The following DNAJB14 variants were observed in gnomAD, a reference collection of about 807,000 sequenced individuals.
DNAJB14 encodes the protein DnaJ heat shock protein family (Hsp40) member B14, also known as dnaJ homolog subfamily B member 14.
A neutral mutation model predicts 48.4 loss-of-function variants in DNAJB14; 22 were observed. The ratio of observed to expected loss-of-function variants is 0.45; its 90% confidence interval spans 0.32 to 0.65. The LOEUF (loss-of-function observed/expected upper bound fraction) is 0.65, where lower values mean the gene tolerates loss of function less well. Among genes scored for constraint, DNAJB14 ranks in the 30% least tolerant of loss-of-function variants. DNAJB14 has a pLI of 0.03. For missense variants in DNAJB14, 319 were observed against 458.8 expected (o/e 0.70, Z 2.78); for synonymous variants, 142 against 158.7 (o/e 0.89, Z 0.79).
At chr4:99,933,303 CTTTT>C (rs759298582) in intron 1 of DNAJB14, among the ~76,000 whole-genome samples, 2 of 88,772 alleles carry the variant, frequency 2.3e-5, no homozygotes, top group Admixed American at 1.4e-4. Flanking sequence ...CATAAACAGT[CTTTT>C]TTTTTTTTTT....
chr4:99,922,833 C>G lies in DNAJB14; in HGVS notation c.451+207G>C, dbSNP rs1051188291. The G allele has an allele frequency of 5.8e-5, 28 of 484,942 alleles. 1 individual carries two copies. Among genetic ancestry groups the G allele is most frequent in the Non-Finnish European group, 1.0e-4 (28 of 272,984 alleles). The allele number at this position is 484,942 out of a possible 1,614,324, so 30.0% of individuals were successfully genotyped here. Reference sequence around the variant, plus strand: ...AAAGTTACTTGAGACTGTATCAGAACTGGAATGTTGCTTTTGTGAAGCCAA... The same window carrying G: ...AAAGTTACTTGAGACTGTATCAGAAGTGGAATGTTGCTTTTGTGAAGCCAA... On this transcript the variant is annotated intron_variant, in intron 3 of 7. Coordinates refer to ENST00000442697, the MANE Select transcript of DNAJB14 (RefSeq NM_001031723.4).
intron 7 of DNAJB14, among the ~76,000 whole-genome samples, chr4:99,902,764 G>A (rs1007322721): frequency 2.0e-5 from 3 of 152,128 alleles, no homozygotes; most frequent in Admixed American, 6.6e-5. Flanking sequence ...GAGACAAATT[G>A]TCTGGTTTTC....
chr4:99,938,522 C>T (rs764643013), intron 1 of DNAJB14, among the ~76,000 whole-genome samples: 1 of 151,496 alleles, frequency 6.6e-6, no homozygotes, highest in Non-Finnish European at 1.5e-5. Flanking sequence ...ATGTCTACAG[C>T]TACTGTTAAT....
intron 1 of DNAJB14, among the ~76,000 whole-genome samples, chr4:99,944,131 G>A (rs1466590068): frequency 2.6e-5 from 4 of 151,760 alleles, no homozygotes; most frequent in African/African-American, 9.7e-5. Flanking sequence ...TAGCCAATAA[G>A]CATATGAAAA....
At chr4:99,927,919 C>A (rs1403974046) in intron 2 of DNAJB14, 1 of 152,114 alleles carries the variant, frequency 6.6e-6, no homozygotes, top group Non-Finnish European at 1.5e-5. Flanking sequence ...TAAAGCAACA[C>A]TTATGAAGGC....
At chr4:99,919,473 T>A (rs1725973856) in intron 3 of DNAJB14, among the ~76,000 whole-genome samples, 1 of 151,994 alleles carries the variant, frequency 6.6e-6, no homozygotes, top group South Asian at 2.1e-4. Flanking sequence ...TAATCCCAGC[T>A]ACTTGGAAGG....
chr4:99,943,748 G>A (rs954797554), intron 1 of DNAJB14, among the ~76,000 whole-genome samples: 2 of 152,136 alleles, frequency 1.3e-5, no homozygotes, highest in African/African-American at 4.8e-5. Context: ...TGTTAAAACT[G>A]TCCCTCTAGG....
In DNAJB14 at chr4:99,946,502, G is replaced by T; in HGVS notation, c.70C>A (p.Arg24Ser). The T allele has an allele frequency of 5.0e-6, 8 of 1,613,852 alleles. No homozygotes were observed. The highest frequency in any genetic ancestry group is 6.8e-6 in the Non-Finnish European group (8 of 1,179,816). ...IAREALNAGN[R>S]EKAQRFLQKA... ...TGCAGGAAGCGCTGGGCCTTCTCGC[G>T]GTTGCCGGCGTTCAGGGCCTCCCGG... Residue 24 changes from arginine (R) to serine (S), a missense_variant, in exon 1 of 8, where the codon CGC becomes AGC. By Grantham distance (110) the Arg-to-Ser change is moderately radical. Transcript: ENST00000442697.
intron 1 of DNAJB14, among the ~76,000 whole-genome samples, 182 bp downstream of exon 1, chr4:99,946,257 G>C (rs1049657618): frequency 3.3e-5 from 5 of 152,286 alleles, no homozygotes; most frequent in Non-Finnish European, 5.9e-5. Flanking sequence ...CCCCAGCCCG[G>C]AGCCGGGGCT....
At chr4:99,932,866 G>C (rs1726527621) in intron 1 of DNAJB14, among the ~76,000 whole-genome samples, 1 of 152,070 alleles carries the variant, frequency 6.6e-6, no homozygotes, top group Non-Finnish European at 1.5e-5. Context: ...CTAAGTGAAA[G>C]ACTCCAGTCA....
chr4:99,934,112 G>A (rs1238327336), intron 1 of DNAJB14, among the ~76,000 whole-genome samples: 1 of 151,768 alleles, frequency 6.6e-6, no homozygotes, highest in African/African-American at 2.4e-5. Context: ...ACACCAAGAA[G>A]AAACTCCTGG....
At chr4:99,928,496 A>G in intron 2 of DNAJB14, 3 of 425,820 alleles carry the variant, frequency 7.0e-6, no homozygotes, top group South Asian at 3.3e-5. Context: ...AACCACCCAC[A>G]TACACACAAA....
Position 99,901,142 on chromosome 4 carries a change from C to A in DNAJB14, c.1026G>T (p.Met342Ile). Reference protein sequence around the residue: ...CWKERQQKTDMQYAAKVYRDD... With the variant: ...CWKERQQKTDIQYAAKVYRDD... ...CACGGTATACTTTTGCTGCATACTG[C>A]ATATCTGTTTCTGTTAATAAAGAAA... is the stretch of plus-strand genomic sequence containing the variant. The change falls in exon 8 of 8, where the codon ATG becomes ATT. Residue 342 changes from methionine (M) to isoleucine (I), a missense_variant. Met to Ile is a conservative substitution (Grantham distance 10, BLOSUM62 1). This residue lies in a region of DNAJB14 where 166 missense variants were observed against 236.3 expected (regional missense o/e 0.70). Transcript: ENST00000442697. 1 of 1,589,716 alleles carries A rather than the reference C, an allele frequency of 6.3e-7. No individual in the cohort carries two copies. Among genetic ancestry groups the A allele is most frequent in the Non-Finnish European group, 8.5e-7 (1 of 1,172,310 alleles).
At chr4:99,918,345 A>G (rs939329417) in intron 3 of DNAJB14, among the ~76,000 whole-genome samples, 1 of 152,124 alleles carries the variant, frequency 6.6e-6, no homozygotes, top group African/African-American at 2.4e-5. Context: ...CAGACTTTCT[A>G]TTGCTTTGCA....
At chr4:99,907,539 CAT>C (rs1370997652) in intron 4 of DNAJB14, among the ~76,000 whole-genome samples, 2 of 151,980 alleles carry the variant, frequency 1.3e-5, no homozygotes, top group African/African-American at 4.8e-5. Context: ...ATTAGCCAGA[CAT>C]GTGGTACATG....
intron 3 of DNAJB14, among the ~76,000 whole-genome samples, chr4:99,920,586 A>AT (rs1335702384): frequency 1.3e-5 from 2 of 152,244 alleles, no homozygotes; most frequent in African/African-American, 4.8e-5. Context: ...TTTCATTAAA[A>AT]TATTTTTTTA....
At chr4:99,933,614 CTG>C (rs1437657496) in intron 1 of DNAJB14, among the ~76,000 whole-genome samples, 1 of 152,016 alleles carries the variant, frequency 6.6e-6, no homozygotes, top group Non-Finnish European at 1.5e-5. Context: ...AAACTATAGT[CTG>C]TATTTAGTCT....
At chr4:99,923,622 A>G (rs1726142274) in intron 2 of DNAJB14, 1 of 983,138 alleles carries the variant, frequency 1.0e-6, no homozygotes, top group Non-Finnish European at 1.2e-6. Flanking sequence ...GTTCTTGCAT[A>G]ATGTAGATCT....
chr4:99,906,283 C>A, intron 5 of DNAJB14: 2 of 1,097,796 alleles, frequency 1.8e-6, no homozygotes, highest in Non-Finnish European at 2.5e-6. Flanking sequence ...GCAGGTGTAC[C>A]TTCATTAGAA....
Sources: allele counts gnomAD v4.1 joint callset (sites outside exome capture counted in the v4.1 genomes callset), GRCh38; gene constraint gnomAD v4.1.1; regional missense constraint gnomAD v4.1.1; transcripts MANE v1.5; gene names NCBI Gene and HGNC (gene_info 2026-07-23, HGNC 2026-07-21).